ITGBL1: variants seen among roughly 807,000 people sequenced by gnomAD.
ITGBL1 encodes integrin subunit beta like 1, also known as integrin beta-like protein 1.
Under a neutral mutation model 68.5 loss-of-function variants are expected in ITGBL1, and 51 were observed. The observed-to-expected ratio is 0.74, with a 90% CI of 0.59 to 0.94. The LOEUF (loss-of-function observed/expected upper bound fraction) is 0.94. Ranked by LOEUF, ITGBL1 falls within the 40% of genes least tolerant of loss-of-function variation. The pLI, the probability that ITGBL1 is intolerant of heterozygous loss-of-function variation, is 0.00. For synonymous variants in ITGBL1, 209 were observed against 227.3 expected, an observed-to-expected ratio of 0.92 and a Z score of 0.72; for missense variants, 649 against 647.4, an observed-to-expected ratio of 1.00 and a Z score of -0.03.
At chr13:101,487,060 C>T (rs1226011428) in intron 2 of ITGBL1, among the ~76,000 whole-genome samples, 2 of 152,130 alleles carry the variant, frequency 1.3e-5, no homozygotes, top group African/African-American at 4.8e-5. Flanking sequence ...TTTATTGCTT[C>T]TAGGTTCTCA....
chr13:101,491,309 C>T (rs537563790), intron 2 of ITGBL1, among the ~76,000 whole-genome samples: 3 of 152,286 alleles, frequency 2.0e-5, no homozygotes, highest in South Asian at 2.1e-4. Context: ...TCCTTCTCCC[C>T]GTTACCATCA....
chr13:101,656,859 T>C (rs549468109), intron 7 of ITGBL1, among the ~76,000 whole-genome samples: 1 of 152,214 alleles, frequency 6.6e-6, no homozygotes, highest in South Asian at 2.1e-4. Context: ...AAAATACATC[T>C]TAAATATATA....
In ITGBL1 at chr13:101,567,775, C is replaced by A. The variant is rs1247507523; in HGVS notation, c.393C>A (p.Asn131Lys). Residue 131 changes from asparagine (N) to lysine (K), a missense_variant, in exon 3 of 11, where the codon AAC becomes AAA. Transcript: ENST00000376180. ...GGGATGCTTGCCAGTACCCAACTAA[C>A]TGTGACTTGACAAAGAAGAAAAGTA... ...WYGDACQYPT[N>K]CDLTKKKSNQ... 2 of 1,613,204 alleles carry A rather than the reference C, an allele frequency of 1.2e-6. No individual in the cohort carries two copies. Among genetic ancestry groups the A allele is most frequent in the Admixed American group, 3.3e-5 (2 of 59,928 alleles).
chr13:101,641,903 T>TA (rs2139431742), intron 7 of ITGBL1, among the ~76,000 whole-genome samples: 1 of 152,160 alleles, frequency 6.6e-6, no homozygotes, highest in East Asian at 1.9e-4. Flanking sequence ...CATCCTTTTT[T>TA]ATGGCTACAT....
intron 7 of ITGBL1, among the ~76,000 whole-genome samples, chr13:101,614,131 G>A (rs777574224): frequency 2.6e-5 from 4 of 152,154 alleles, no homozygotes; most frequent in Non-Finnish European, 4.4e-5. Flanking sequence ...CCTTAGGCAC[G>A]TTTGAATACC....
chr13:101,509,064 C>G (rs1041860001), intron 2 of ITGBL1, among the ~76,000 whole-genome samples: 1 of 152,090 alleles, frequency 6.6e-6, no homozygotes, highest in Non-Finnish European at 1.5e-5. Flanking sequence ...AAGACATACC[C>G]AAGACCGGGC....
At chr13:101,544,123 G>A (rs536781616) in intron 2 of ITGBL1, among the ~76,000 whole-genome samples, 167 of 152,286 alleles carry the variant, frequency 1.1e-3, no homozygotes, top group African/African-American at 3.9e-3. Context: ...GAGGAGGAGA[G>A]GTGCTCTGCT....
chr13:101,671,426 G>GTTTTTTTTT (rs66501713), intron 7 of ITGBL1, among the ~76,000 whole-genome samples: 1,165 of 112,506 alleles, frequency 0.01, 232 homozygotes, highest in East Asian at 0.014. Flanking sequence ...GTATACCTTT[G>GTTTTTTTTT]TTTTTTTTTT....
chr13:101,574,210 T>G (rs2050317764), intron 3 of ITGBL1, among the ~76,000 whole-genome samples: 1 of 152,152 alleles, frequency 6.6e-6, no homozygotes, highest in Admixed American at 6.5e-5. Flanking sequence ...TTCCATGAAC[T>G]GCACCTCAGG....
intron 7 of ITGBL1, among the ~76,000 whole-genome samples, chr13:101,602,367 G>A (rs1236994883): frequency 1.3e-5 from 2 of 151,972 alleles, no homozygotes; most frequent in South Asian, 4.1e-4. Context: ...AAGAACACGT[G>A]TTCCATTCCT....
At chr13:101,588,297 T>TTGGTGTGTGTGTGTGTGTGTGTG (rs1555360537) in intron 6 of ITGBL1, among the ~76,000 whole-genome samples, 72 of 149,784 alleles carry the variant, frequency 4.8e-4, no homozygotes, top group African/African-American at 1.7e-3. Context: ...TATTCTTCCA[T>TTGGTGTGTGTGTGTGTGTGTGTG]TGTGTGTGTG....
chr13:101,499,070 A>G (rs928245737), intron 2 of ITGBL1, among the ~76,000 whole-genome samples: 2 of 152,104 alleles, frequency 1.3e-5, no homozygotes, highest in Non-Finnish European at 2.9e-5. Flanking sequence ...GGGAGCTACA[A>G]CTGAATGTGA....
chr13:101,476,500 T>C (rs927456295), intron 2 of ITGBL1, among the ~76,000 whole-genome samples: 3 of 151,944 alleles, frequency 2.0e-5, no homozygotes, highest in African/African-American at 7.2e-5. Flanking sequence ...ATAATAATAT[T>C]GAATATAAAT....
chr13:101,612,207 TGG>T (rs2031162889), intron 7 of ITGBL1, among the ~76,000 whole-genome samples: 1 of 152,228 alleles, frequency 6.6e-6, no homozygotes, highest in Non-Finnish European at 1.5e-5. Flanking sequence ...ATGTGGATGT[TGG>T]TAAATAATAC....
chr13:101,453,764 C>A lies in ITGBL1; in HGVS notation c.99-119C>A, dbSNP rs887211461. The A allele has an allele frequency of 7.4e-6, 4 of 540,530 alleles. No homozygotes were observed. The African/African-American group carries it at 7.9e-5, about 11-fold the overall frequency. The allele number at this position is 540,530 out of a possible 1,614,324, so 33.5% of individuals were successfully genotyped here. On this transcript the variant is annotated intron_variant, in intron 1 of 10. Transcript: ENST00000376180. ...CCAGAGAGATGTGGGCCTCAGGCGT[C>A]CTGTTCTTGGGGTTGTACGTCTGCA...
chr13:101,479,518 G>T (rs1046085514), intron 2 of ITGBL1, among the ~76,000 whole-genome samples: 2 of 151,796 alleles, frequency 1.3e-5, no homozygotes, highest in Non-Finnish European at 2.9e-5. Flanking sequence ...AAAGTGAAGA[G>T]ACAACCCACA....
At chr13:101,592,231 C>G (rs1164305059) in intron 6 of ITGBL1, among the ~76,000 whole-genome samples, 1 of 152,040 alleles carries the variant, frequency 6.6e-6, no homozygotes, top group Non-Finnish European at 1.5e-5. Flanking sequence ...ATACACTAGG[C>G]TAATCTTCAA....
At chr13:101,561,155 A>G (rs2050093587) in intron 2 of ITGBL1, among the ~76,000 whole-genome samples, 2 of 152,164 alleles carry the variant, frequency 1.3e-5, no homozygotes, top group African/African-American at 4.8e-5. Flanking sequence ...GCGGCCAAGT[A>G]TGCCCTCGTG....
At chr13:101,621,362 T>C (rs1413892574) in intron 7 of ITGBL1, among the ~76,000 whole-genome samples, 1 of 152,150 alleles carries the variant, frequency 6.6e-6, no homozygotes, top group Admixed American at 6.6e-5. Flanking sequence ...TGTTTATTTG[T>C]CATACAGAGT....
Sources: gnomAD v4.1 joint callset for allele counts (sites outside exome capture counted in the v4.1 genomes callset) on GRCh38, gnomAD v4.1.1 for gene constraint, MANE v1.5 for transcripts, NCBI Gene and HGNC (gene_info 2026-07-23, HGNC 2026-07-21) for gene names.